PARD3B: variants seen among roughly 807,000 people sequenced by gnomAD.
The protein encoded by PARD3B is par-3 family cell polarity regulator beta.
In PARD3B, 103 loss-of-function variants were observed where a neutral mutation model predicts 130.2. The ratio of observed to expected loss-of-function variants is 0.79; its 90% confidence interval spans 0.67 to 0.93. The LOEUF is 0.93. PARD3B is among the 40% of genes least tolerant of loss of function. The pLI is 0.00. For synonymous variants in PARD3B, 583 were observed against 553.2 expected (o/e 1.05, Z -0.76); for missense variants, 1,609 against 1,499.2 (o/e 1.07, Z -1.21).
intron 21 of PARD3B, among the ~76,000 whole-genome samples, chr2:205,527,490 A>G (rs1187812852): frequency 1.3e-5 from 2 of 152,148 alleles, no homozygotes; most frequent in Non-Finnish European, 2.9e-5. Flanking sequence ...TTTGAGTTTC[A>G]GTTGGCTACA....
chr2:205,480,716 G>A (rs1431184389), intron 20 of PARD3B, among the ~76,000 whole-genome samples: 3 of 152,282 alleles, frequency 2.0e-5, no homozygotes, highest in South Asian at 2.1e-4. Flanking sequence ...TAGTAGCTCC[G>A]TGCTCTCAAC....
At chr2:204,980,509 T>C (rs955676495) in intron 3 of PARD3B, among the ~76,000 whole-genome samples, 3 of 152,058 alleles carry the variant, frequency 2.0e-5, no homozygotes, top group Non-Finnish European at 4.4e-5. Flanking sequence ...AAAAAGAAAA[T>C]GAGTGAATCC....
At position 205,398,857 on chromosome 2, in the gene PARD3B, C is replaced by T. The variant is rs6730988; in HGVS notation, c.2631-2156C>T. Among the ~76,000 whole-genome samples the T allele has an allele frequency of 6.2e-3, 943 of 152,296 alleles. 14 individuals carry two copies. Among genetic ancestry groups the T allele is most frequent in the African/African-American group, 0.021 (884 of 41,574 alleles). ...TCTATTATTCTGATTGCTTACAGTA[C>T]AGGACTTTCTTCAAAATTTATATGT... On this transcript the variant is annotated intron_variant, in intron 18 of 22. Coordinates refer to ENST00000406610, the MANE Select transcript of PARD3B (RefSeq NM_001302769.2).
chr2:205,367,822 G>A (rs1171351108), intron 18 of PARD3B, among the ~76,000 whole-genome samples: 1 of 152,188 alleles, frequency 6.6e-6, no homozygotes, highest in African/African-American at 2.4e-5. Context: ...CTGTGTTTGA[G>A]TTTATGTGGT....
chr2:205,374,180 G>GT (rs1553688032), intron 18 of PARD3B, among the ~76,000 whole-genome samples: 1 of 143,396 alleles, frequency 7.0e-6, no homozygotes, highest in Non-Finnish European at 1.5e-5. Flanking sequence ...GAGGAAAAAT[G>GT]AAAAAAAAAA....
intron 15 of PARD3B, among the ~76,000 whole-genome samples, chr2:205,202,192 G>A (rs112247813): frequency 0.015 from 2,306 of 152,224 alleles, 47 homozygotes; most frequent in African/African-American, 0.038. Context: ...ATTAGTAGTA[G>A]TAACTGAAAT....
At chr2:205,289,419 T>C (rs1033509187) in intron 16 of PARD3B, among the ~76,000 whole-genome samples, 2 of 152,162 alleles carry the variant, frequency 1.3e-5, no homozygotes, top group South Asian at 2.1e-4. Context: ...TTGCCAGGTA[T>C]CATGTTCAAA....
At chr2:205,094,008 C>G (rs1037570312) in intron 4 of PARD3B, among the ~76,000 whole-genome samples, 2 of 152,158 alleles carry the variant, frequency 1.3e-5, no homozygotes, top group Non-Finnish European at 2.9e-5. Context: ...GCTATAAGAA[C>G]CCACGATGGT....
At chr2:205,290,453 C>T (rs903902615) in intron 16 of PARD3B, among the ~76,000 whole-genome samples, 7 of 152,116 alleles carry the variant, frequency 4.6e-5, no homozygotes, top group African/African-American at 1.7e-4. Flanking sequence ...ATGACATTTC[C>T]TTGTATGCAC....
chr2:204,790,937 T>G (rs1158466373), intron 2 of PARD3B, among the ~76,000 whole-genome samples: 2 of 152,020 alleles, frequency 1.3e-5, no homozygotes, highest in Non-Finnish European at 2.9e-5. Flanking sequence ...AAACCCTGTC[T>G]CTACTAATAA....
At chr2:204,804,158 G>A (rs1422181060) in intron 2 of PARD3B, among the ~76,000 whole-genome samples, 3 of 152,188 alleles carry the variant, frequency 2.0e-5, no homozygotes, top group African/African-American at 7.2e-5. Flanking sequence ...AAGCCCATGA[G>A]GTGGAGGTTG....
intron 2 of PARD3B, among the ~76,000 whole-genome samples, chr2:204,947,558 TC>T (rs1689431383): frequency 2.1e-5 from 2 of 94,840 alleles, no homozygotes; most frequent in African/African-American, 6.9e-5. Flanking sequence ...CTCCCCTCCC[TC>T]CCCTCCCTCC....
At position 205,160,457 on chromosome 2, in the gene PARD3B, C is replaced by T. The variant is rs749035978; in HGVS notation, c.1620+1550C>T. Among the ~76,000 whole-genome samples the T allele has an allele frequency of 1.3e-5, 2 of 152,190 alleles. No homozygotes were observed. Among genetic ancestry groups the T allele is most frequent in the Non-Finnish European group, 2.9e-5 (2 of 68,048 alleles). ...TGAATCCGCGGGCTCCAAGCTAGCA[C>T]ACTGTCACCCCACACATAGGCCACT... On this transcript the variant is annotated intron_variant, in intron 11 of 22. Coordinates refer to ENST00000406610, the MANE Select transcript of PARD3B (RefSeq NM_001302769.2). The surrounding 1 kb of genome is among the most constrained non-coding windows in gnomAD (Gnocchi z 4.0).
chr2:205,409,844 T>A (rs959183154), intron 19 of PARD3B, among the ~76,000 whole-genome samples: 4 of 152,166 alleles, frequency 2.6e-5, no homozygotes, highest in African/African-American at 9.7e-5. Context: ...TTATACTGAA[T>A]TACCTAGAAC....
intron 16 of PARD3B, among the ~76,000 whole-genome samples, chr2:205,248,402 T>G (rs2039664696): frequency 1.5e-5 from 2 of 136,602 alleles, no homozygotes; most frequent in South Asian, 2.6e-4. Flanking sequence ...GTGGTGGTGG[T>G]GGTGGTGGTG....
intron 20 of PARD3B, among the ~76,000 whole-genome samples, chr2:205,452,682 C>T (rs2048144065): frequency 6.6e-6 from 1 of 152,124 alleles, no homozygotes; most frequent in East Asian, 1.9e-4. Context: ...ACTTGATGTT[C>T]TCATTAATTT....
rs535190797 is a variant in PARD3B, at chr2:205,292,565, C to T, written c.2186-7965C>T. On this transcript the variant is annotated intron_variant, in intron 16 of 22. Coordinates refer to ENST00000406610, the MANE Select transcript of PARD3B (RefSeq NM_001302769.2). This position sits in a 1 kb window ranked among gnomAD's most constrained non-coding sequence, Gnocchi z 5.3. ...AGCATGAGAGAGGCAAGCAAAGACC[C>T]GCAGAGAACAACTCATTTCTCCAAA... Among the ~76,000 whole-genome samples, 6 of 152,226 alleles carry T rather than the reference C, an allele frequency of 3.9e-5. No individual in the cohort carries two copies. Among genetic ancestry groups the T allele is most frequent in the East Asian group, 3.9e-4 (2 of 5,168 alleles).
At chr2:205,346,526 C>A (rs1021549402) in intron 18 of PARD3B, among the ~76,000 whole-genome samples, 1 of 152,330 alleles carries the variant, frequency 6.6e-6, no homozygotes, top group East Asian at 1.9e-4. Context: ...CCCTGGCTTA[C>A]TGTGCTAAGG....
chr2:204,697,760 G>GC (rs2037684780), intron 2 of PARD3B, among the ~76,000 whole-genome samples: 1 of 152,038 alleles, frequency 6.6e-6, no homozygotes, highest in South Asian at 2.1e-4. Context: ...TCAACTTGAA[G>GC]CCCATATGGT....
Sources: allele counts gnomAD v4.1 joint callset (sites outside exome capture counted in the v4.1 genomes callset), GRCh38; gene constraint gnomAD v4.1.1; non-coding constraint Gnocchi (gnomAD v3.1); transcripts MANE v1.5; gene names NCBI Gene and HGNC (gene_info 2026-07-23, HGNC 2026-07-21).